The following SUGCT variants were observed in gnomAD, a reference collection of about 807,000 sequenced individuals.
SUGCT encodes succinyl-CoA:glutarate CoA-transferase.
A neutral mutation model predicts 55.0 loss-of-function variants in SUGCT; 41 were observed. That is an observed-to-expected ratio of 0.74 (90% CI 0.58 to 0.97). The LOEUF (loss-of-function observed/expected upper bound fraction) is 0.97, where lower values mean the gene tolerates loss of function less well. Ranked by LOEUF, SUGCT falls within the 50% of genes least tolerant of loss-of-function variation. The pLI, the probability that SUGCT is intolerant of heterozygous loss-of-function variation, is 0.00. For missense variants in SUGCT, 568 were observed against 547.8 expected (o/e 1.04, Z -0.37); for synonymous variants, 187 against 200.4 (o/e 0.93, Z 0.56).
At chr7:40,535,919 G>A (rs1164186351) in intron 12 of SUGCT, among the ~76,000 whole-genome samples, 1 of 152,186 alleles carries the variant, frequency 6.6e-6, no homozygotes, top group Admixed American at 6.5e-5. Context: ...CTGATGATTA[G>A]TGATGTGGAG....
the SUGCT span, among the ~76,000 whole-genome samples, chr7:40,899,196 C>T: frequency 7.9e-5 from 12 of 152,180 alleles, no homozygotes; most frequent in African/African-American, 2.9e-4. Flanking sequence ...CTTGACCTTT[C>T]TGAGAACAGA....
the SUGCT span, among the ~76,000 whole-genome samples, chr7:40,900,819 C>T: frequency 3.3e-5 from 5 of 152,230 alleles, no homozygotes; most frequent in Non-Finnish European, 7.3e-5. Context: ...AAGAATGGCA[C>T]ATCATTTATT....
chr7:40,169,515 T>G (rs917228871), intron 1 of SUGCT, among the ~76,000 whole-genome samples: 24 of 152,182 alleles, frequency 1.6e-4, no homozygotes, highest in Non-Finnish European at 7.4e-5. Context: ...GGTTAGTGGC[T>G]TCTGACTCAG....
At chr7:40,969,368 T>G in the SUGCT span, among the ~76,000 whole-genome samples, 1 of 152,176 alleles carries the variant, frequency 6.6e-6, no homozygotes, top group Non-Finnish European at 1.5e-5. Context: ...ATTTATGTAT[T>G]TATTTATTTA....
At chr7:40,829,304 T>A in intron 13 of SUGCT, among the ~76,000 whole-genome samples, 1 of 152,216 alleles carries the variant, frequency 6.6e-6, no homozygotes, top group Non-Finnish European at 1.5e-5. Context: ...CAGCTCTGCC[T>A]ATGAAAGAAC....
At chr7:40,924,540 C>T in the SUGCT span, among the ~76,000 whole-genome samples, 1 of 152,134 alleles carries the variant, frequency 6.6e-6, no homozygotes, top group Non-Finnish European at 1.5e-5. Flanking sequence ...AGGCATGAGC[C>T]ACTATGCCCA....
intron 13 of SUGCT, among the ~76,000 whole-genome samples, chr7:40,772,962 A>G (rs1789254368): frequency 6.6e-6 from 1 of 152,134 alleles, no homozygotes; most frequent in Non-Finnish European, 1.5e-5. Flanking sequence ...TTATAAAATT[A>G]CTTTATAAAA....
chr7:40,320,563 C>T (rs1254321670), intron 9 of SUGCT, among the ~76,000 whole-genome samples: 1 of 152,178 alleles, frequency 6.6e-6, no homozygotes, highest in Non-Finnish European at 1.5e-5. Flanking sequence ...CTGCCCTTTA[C>T]ATACATGGCC....
intron 8 of SUGCT, among the ~76,000 whole-genome samples, chr7:40,285,916 C>T (rs1793306370): frequency 1.3e-5 from 2 of 152,080 alleles, no homozygotes; most frequent in South Asian, 4.1e-4. Flanking sequence ...TAGTTTAAAC[C>T]CTTGTCAGAG....
the SUGCT span, among the ~76,000 whole-genome samples, chr7:40,999,303 A>G: frequency 6.6e-6 from 1 of 152,128 alleles, no homozygotes; most frequent in Non-Finnish European, 1.5e-5. Flanking sequence ...AGACTTGACA[A>G]ACATCAGCCT....
intron 7 of SUGCT, among the ~76,000 whole-genome samples, chr7:40,272,063 GTCTCGCTCTC>G (rs1380749805): frequency 8.5e-5 from 6 of 70,822 alleles, no homozygotes; most frequent in Admixed American, 1.5e-4. Flanking sequence ...CTCTCTCTCT[GTCTCGCTCTC>G]TCTCTCTCTC....
At chr7:40,722,644 C>A (rs1002037998) in intron 12 of SUGCT, among the ~76,000 whole-genome samples, 1 of 152,026 alleles carries the variant, frequency 6.6e-6, no homozygotes, top group Non-Finnish European at 1.5e-5. Flanking sequence ...TCCACTATAG[C>A]TTTATTTTAT....
At chr7:40,789,394 A>G (rs568514916) in intron 13 of SUGCT, among the ~76,000 whole-genome samples, 3 of 152,340 alleles carry the variant, frequency 2.0e-5, no homozygotes, top group Middle Eastern at 3.4e-3. Flanking sequence ...TTCACTTAGT[A>G]TAATGTCTTA....
At chr7:40,194,381 C>T (rs372198092) in intron 5 of SUGCT, among the ~76,000 whole-genome samples, 9 of 152,076 alleles carry the variant, frequency 5.9e-5, no homozygotes, top group African/African-American at 1.9e-4. Flanking sequence ...CCACCTGAGC[C>T]TCCCGAGCAG....
chr7:40,282,727 C>G (rs912679698), intron 8 of SUGCT, among the ~76,000 whole-genome samples: 1 of 151,804 alleles, frequency 6.6e-6, no homozygotes, highest in Non-Finnish European at 1.5e-5. Flanking sequence ...AAAAATTACC[C>G]GGGCATGGTT....
At chr7:40,542,781 C>T (rs1794766239) in intron 12 of SUGCT, among the ~76,000 whole-genome samples, 1 of 152,164 alleles carries the variant, frequency 6.6e-6, no homozygotes, top group South Asian at 2.1e-4. Flanking sequence ...ACTGCAAAGA[C>T]TGAGGCTCAA....
intron 6 of SUGCT, among the ~76,000 whole-genome samples, chr7:40,221,958 G>GC (rs576809755): frequency 1.3e-5 from 2 of 152,320 alleles, no homozygotes; most frequent in African/African-American, 4.8e-5. Context: ...TATGATTCAC[G>GC]CCTGAGATAT....
In SUGCT at chr7:40,195,227, T is replaced by C. The variant is rs185970145; in HGVS notation, c.484+167T>C. On this transcript the variant is annotated intron_variant, in intron 6 of 13. Transcript: ENST00000335693. ...AACTTACTTTTTTCTTTTTTCTTTT[T>C]TTTTTTTTTTTTTGAGACAGAGTCT... 0.032 allele frequency among the ~76,000 whole-genome samples: 4,791 copies of C among 147,430 alleles called. 98 individuals are homozygous for C. Among genetic ancestry groups the C allele is most frequent in the Non-Finnish European group, 0.052 (3,446 of 66,642 alleles).
intron 13 of SUGCT, among the ~76,000 whole-genome samples, chr7:40,855,296 A>T (rs1252515764): frequency 6.6e-6 from 1 of 151,082 alleles, no homozygotes; most frequent in Admixed American, 6.6e-5. Context: ...AGAAAAGAAA[A>T]GAAAAATTTA....
Sources: allele counts gnomAD v4.1 joint callset (sites outside exome capture counted in the v4.1 genomes callset), GRCh38; gene constraint gnomAD v4.1.1; transcripts MANE v1.5; gene names NCBI Gene and HGNC (gene_info 2026-07-23, HGNC 2026-07-21).